Variants in DACH2 observed in about 807,000 individuals in gnomAD.
The protein encoded by DACH2 is dachshund homolog 2.
In DACH2, 17 loss-of-function variants were observed where a neutral mutation model predicts 35.8. The observed-to-expected ratio is 0.48, with a 90% confidence interval of 0.33 to 0.71. The LOEUF (loss-of-function observed/expected upper bound fraction) is 0.71, where lower values mean the gene tolerates loss of function less well. Ranked by LOEUF, DACH2 falls within the 30% of genes least tolerant of loss-of-function variation. The pLI, the probability that DACH2 is intolerant of heterozygous loss-of-function variation, is 0.02. For missense variants in DACH2, 469 were observed against 472.7 expected (o/e 0.99, Z 0.07); for synonymous variants, 195 against 177.3 (o/e 1.10, Z -0.79).
At chrX:86,186,948 A>G (rs1273229593) in intron 1 of DACH2, among the ~76,000 whole-genome samples, 2 of 111,894 alleles carry the variant, frequency 1.8e-5, no homozygotes, top group Non-Finnish European at 3.8e-5. Context: ...CATAATAACT[A>G]AATGTCTTAT....
At chrX:86,291,238 T>A (rs2034284249) in intron 1 of DACH2, among the ~76,000 whole-genome samples, 1 of 108,289 alleles carries the variant, frequency 9.2e-6, no homozygotes, top group South Asian at 4.1e-4. Flanking sequence ...CTGTTGTTGG[T>A]GTATAAGAAT....
chrX:86,395,193 G>A (rs2036264654), intron 2 of DACH2, among the ~76,000 whole-genome samples: 1 of 110,941 alleles, frequency 9.0e-6, no homozygotes, highest in Non-Finnish European at 1.9e-5. Flanking sequence ...GCCCCATTTG[G>A]ATGAAATAAT....
At chrX:86,753,055 TAC>T (rs752782082) in intron 7 of DACH2, among the ~76,000 whole-genome samples, 9 of 41,870 alleles carry the variant, frequency 2.1e-4, no homozygotes, top group Admixed American at 1.6e-4. Flanking sequence ...TTATTAAAAG[TAC>T]ACACACACAC....
At chrX:86,707,349 C>T (rs1422369897) in intron 5 of DACH2, among the ~76,000 whole-genome samples, 2 of 111,570 alleles carry the variant, frequency 1.8e-5, no homozygotes, top group African/African-American at 6.5e-5. Context: ...TAAAACCCTT[C>T]CACAACAGAA....
At chrX:86,174,326 T>C (rs2031234213) in intron 1 of DACH2, among the ~76,000 whole-genome samples, 1 of 110,075 alleles carries the variant, frequency 9.1e-6, no homozygotes, top group African/African-American at 3.3e-5. Flanking sequence ...TGAGTCTCAC[T>C]ATGTTGCCCA....
At chrX:86,335,078 G>A (rs764630735) in intron 1 of DACH2, among the ~76,000 whole-genome samples, 18 of 111,221 alleles carry the variant, frequency 1.6e-4, no homozygotes, top group Non-Finnish European at 2.6e-4. Flanking sequence ...TAGATGTGGG[G>A]CACTATTTCC....
At chrX:86,599,331 C>T (rs1238496003) in intron 3 of DACH2, among the ~76,000 whole-genome samples, 3 of 110,618 alleles carry the variant, frequency 2.7e-5, no homozygotes, top group Non-Finnish European at 5.7e-5. Context: ...CTTTCTTTCT[C>T]TTTCTTTCTT....
At chrX:86,450,576 G>A (rs1229980099) in intron 2 of DACH2, among the ~76,000 whole-genome samples, 3 of 110,689 alleles carry the variant, frequency 2.7e-5, no homozygotes, top group South Asian at 3.8e-4. Flanking sequence ...ATATTCCTTC[G>A]GGTATGTCCC....
rs187683060 is a variant in DACH2, at chrX:86,341,073, T to A, written c.489-35751T>A. On this transcript the variant is annotated intron_variant, in intron 1 of 11. Coordinates refer to ENST00000373125, the MANE Select transcript of DACH2 (RefSeq NM_053281.3). ...AGTTATCCAGAAGATCCAGCTAAGA[T>A]AATTGAGGAAGTTGGTTACATTAAA... Among the ~76,000 whole-genome samples the A allele has an allele frequency of 3.9e-4, 44 of 112,247 alleles. No individual in the cohort carries two copies. The East Asian group carries it at 0.012, about 32-fold the overall frequency.
intron 1 of DACH2, among the ~76,000 whole-genome samples, chrX:86,238,764 A>G (rs111933350): frequency 0.013 from 1,417 of 111,391 alleles, 21 homozygotes; most frequent in African/African-American, 0.044. Context: ...ATTAATACAA[A>G]TAAAAGCTTT....
At chrX:86,743,430 G>A (rs1199950855) in intron 7 of DACH2, among the ~76,000 whole-genome samples, 1 of 111,330 alleles carries the variant, frequency 9.0e-6, no homozygotes, top group Non-Finnish European at 1.9e-5. Context: ...TATGGCATGG[G>A]TTATGCATTG....
chrX:86,311,906 C>G (rs959623865), intron 1 of DACH2, among the ~76,000 whole-genome samples: 15 of 111,201 alleles, frequency 1.3e-4, no homozygotes, highest in African/African-American at 4.9e-4. Flanking sequence ...TCCATTAGGG[C>G]GTCTTTTAGT....
chrX:86,274,769 A>C (rs1249881134), intron 1 of DACH2, among the ~76,000 whole-genome samples: 1 of 110,692 alleles, frequency 9.0e-6, no homozygotes, highest in East Asian at 2.8e-4. Context: ...AAGTGCTGAG[A>C]TTACAGGCAT....
chrX:86,664,920 A>C (rs2040648917), intron 4 of DACH2, among the ~76,000 whole-genome samples: 2 of 112,030 alleles, frequency 1.8e-5, no homozygotes, highest in Admixed American at 1.9e-4. Flanking sequence ...TAGTCTAAAA[A>C]AGCAAAATGC....
chrX:86,656,366 C>T (rs1393372366), intron 4 of DACH2, among the ~76,000 whole-genome samples: 1 of 110,986 alleles, frequency 9.0e-6, no homozygotes, highest in Non-Finnish European at 1.9e-5. Context: ...CCCAACCTCT[C>T]ATACTACAGA....
In DACH2 at chrX:86,259,681, G is replaced by A. The variant is rs111729960; in HGVS notation, c.488+110573G>A. On this transcript the variant is annotated intron_variant, in intron 1 of 11. Transcript: ENST00000373125. ...CCGCTAGCATAGTGTCTTGCACATA[G>A]TAGGAACTAAAATGTTTGTTCAATT... 5.9e-3 allele frequency among the ~76,000 whole-genome samples: 665 copies of A among 112,012 alleles called. 5 individuals carry two copies. The highest frequency in any genetic ancestry group is 0.02 in the African/African-American group (632 of 30,915).
At chrX:86,476,227 C>T (rs981411190) in intron 2 of DACH2, among the ~76,000 whole-genome samples, 7 of 111,563 alleles carry the variant, frequency 6.3e-5, no homozygotes, top group African/African-American at 2.3e-4. Flanking sequence ...TCTCTCTTTT[C>T]CAGAATAGTT....
intron 2 of DACH2, among the ~76,000 whole-genome samples, chrX:86,443,378 C>A (rs2037203785): frequency 9.0e-6 from 1 of 111,596 alleles, no homozygotes; most frequent in Admixed American, 9.6e-5. Flanking sequence ...TTGTATTCTG[C>A]AACTTTGCTG....
chrX:86,173,046 A>G (rs1053350920), intron 1 of DACH2, among the ~76,000 whole-genome samples: 1 of 112,485 alleles, frequency 8.9e-6, no homozygotes, highest in Non-Finnish European at 1.9e-5. Context: ...CTAGGAAAAT[A>G]TGAATTGTCC....
Sources: gnomAD v4.1 joint callset for allele counts (sites outside exome capture counted in the v4.1 genomes callset) on GRCh38, gnomAD v4.1.1 for gene constraint, MANE v1.5 for transcripts, NCBI Gene and HGNC (gene_info 2026-07-23, HGNC 2026-07-21) for gene names.